The following ABCC12 variants were observed in gnomAD, a reference collection of about 807,000 sequenced individuals.
ABCC12 encodes the protein ATP-binding cassette sub-family C member 12.
In ABCC12, 142 loss-of-function variants were observed where a neutral mutation model predicts 151.1. The ratio of observed to expected loss-of-function variants is 0.94; its 90% CI spans 0.82 to 1.08. The LOEUF (loss-of-function observed/expected upper bound fraction) is 1.08, where lower values mean the gene tolerates loss of function less well. Ranked by LOEUF, ABCC12 falls within the 50% of genes least tolerant of loss-of-function variation. ABCC12 has a pLI of 0.00. For missense variants in ABCC12, 1,638 were observed against 1,691.1 expected, an observed-to-expected ratio of 0.97 and a Z score of 0.55; for synonymous variants, 645 against 646.4, an observed-to-expected ratio of 1.00 and a Z score of 0.03.
chr16:48,120,258 G>A (rs1964021398), intron 13 of ABCC12, among the ~76,000 whole-genome samples: 1 of 152,194 alleles, frequency 6.6e-6, no homozygotes, highest in South Asian at 2.1e-4. Flanking sequence ...ATACATGGGA[G>A]CTAAACCTTG....
At chr16:48,141,439 G>A in intron 4 of ABCC12, 86 bp from the exon 5 acceptor site, 1 of 1,539,660 alleles carries the variant, frequency 6.5e-7, no homozygotes, top group Middle Eastern at 1.7e-4. Context: ...TCTTGCAAGG[G>A]TGCTCGGCAG....
chr16:48,113,897 T>A (rs1395469424), intron 15 of ABCC12, among the ~76,000 whole-genome samples: 2 of 151,990 alleles, frequency 1.3e-5, no homozygotes, highest in African/African-American at 4.8e-5. Flanking sequence ...GGATGAGGCA[T>A]CCCCCTCCAG....
intron 8 of ABCC12, among the ~76,000 whole-genome samples, chr16:48,134,331 A>C (rs1023149500): frequency 1.3e-5 from 2 of 152,216 alleles, no homozygotes; most frequent in African/African-American, 2.4e-5. Context: ...GAGTTCCTTC[A>C]AGGGAAATTC....
chr16:48,153,685 G>T lies in ABCC12; in HGVS notation c.-120C>A, dbSNP rs1300692134. 1 of 152,180 alleles carries T rather than the reference G, an allele frequency of 6.6e-6. No individual in the cohort carries two copies. 9.4% of individuals were successfully genotyped at this position (152,180 alleles called of 1,614,324 possible). ...CCTGGCAGCAAGATGTCATCAGCTTGTCTTAAGGGCTCCTGAGTCCCAGAT... is the reference window on the plus strand; with the variant it reads ...CCTGGCAGCAAGATGTCATCAGCTTTTCTTAAGGGCTCCTGAGTCCCAGAT... On this transcript the variant is annotated 5_prime_UTR_variant, in exon 2 of 31. Transcript: ENST00000311303.
intron 12 of ABCC12, among the ~76,000 whole-genome samples, chr16:48,122,238 G>A (rs1035815117): frequency 1.3e-5 from 2 of 152,238 alleles, no homozygotes; most frequent in Non-Finnish European, 2.9e-5. Context: ...GGCCCTGGGA[G>A]CAGGGCACCA....
At position 48,107,321 on chromosome 16, in the gene ABCC12, C is replaced by T. The variant is rs1292978214; in HGVS notation, c.2475+1G>A. On this transcript the variant is annotated splice_donor_variant, in intron 20 of 30. Transcript: ENST00000311303. LOFTEE classifies it high-confidence loss of function. ...TCTTCCAATGCCAAAGGGAAACTCA[C>T]CCGTGAGCCCTTGTCCAACCAGAGA... The T allele has an allele frequency of 9.9e-6, 16 of 1,613,808 alleles. No homozygotes were observed. Among genetic ancestry groups the T allele is most frequent in the South Asian group, 4.4e-5 (4 of 91,086 alleles).
In ABCC12 at chr16:48,083,969, G is replaced by A. The variant is rs776303012; in HGVS notation, c.3933C>T (p.Ile1311=). The change falls in exon 30 of 31, where the codon ATC becomes ATT. Residue 1311 remains isoleucine (I), a synonymous_variant. Coordinates refer to ENST00000311303, the MANE Select transcript of ABCC12 (RefSeq NM_001393797.1). ...TGAGAACTGTGTTGAGGCGGTGGGC[G>A]ATGGTCAGCACAGTGCAGCCCTTGA... ...DAFKGCTVLT[I]AHRLNTVLNC... The A allele has an allele frequency of 1.2e-5, 19 of 1,612,450 alleles. No homozygotes were observed. The highest frequency in any genetic ancestry group is 1.1e-4 in the African/African-American group (8 of 74,586).
At position 48,139,299 on chromosome 16, in the gene ABCC12, A is replaced by G. The variant is rs1964724627; in HGVS notation, c.695T>C (p.Phe232Ser). Residue 232 changes from phenylalanine (F) to serine (S), a missense_variant, in exon 7 of 31, where the codon TTT becomes TCT. Transcript: ENST00000311303. ...NILSSDSYSL[F>S]EAALFCPLPA... is the part of the protein sequence containing the mutation. The stretch of plus-strand genomic sequence containing the variant: ...CAAAGGACAAAACAAGGCAGCTTCA[A>G]ACAAAGAATAGCTATCACTTGACAG... The G allele has an allele frequency of 6.2e-7, 1 of 1,613,616 alleles. No individual in the cohort carries two copies. Among genetic ancestry groups the G allele is most frequent in the Admixed American group, 1.7e-5 (1 of 59,870 alleles).
At chr16:48,114,465 C>T (rs1321088465) in intron 15 of ABCC12, among the ~76,000 whole-genome samples, 1 of 152,204 alleles carries the variant, frequency 6.6e-6, no homozygotes, top group African/African-American at 2.4e-5. Flanking sequence ...TTCCTGCCCC[C>T]AGACCAGGCC....
rs74018280 is a variant in ABCC12 at position 48,146,287 on chromosome 16, T to A, written c.119+19A>T. 1 of 1,612,156 alleles carries A rather than the reference T, an allele frequency of 6.2e-7. No homozygotes were observed. Among genetic ancestry groups the A allele is most frequent in the South Asian group, 1.1e-5 (1 of 91,036 alleles). On this transcript the variant is annotated intron_variant, in intron 3 of 30. Coordinates refer to ENST00000311303, the MANE Select transcript of ABCC12 (RefSeq NM_001393797.1). The stretch of plus-strand genomic sequence containing the variant: ...GAGGTCCTGCCCTGGCCCTCCCTTC[T>A]GTCCTTCTTCTGACTTACCTTGCAC...
chr16:48,096,710 C>G, intron 24 of ABCC12, 36 bp downstream of exon 24: 2 of 1,609,528 alleles, frequency 1.2e-6, no homozygotes, highest in Middle Eastern at 1.7e-4. Context: ...CAGGCCGGAG[C>G]CTCCAGACTA....
At chr16:48,091,337 G>A (rs1351095848) in intron 24 of ABCC12, 128 bp from the exon 25 acceptor site, 2 of 815,986 alleles carry the variant, frequency 2.5e-6, no homozygotes, top group Non-Finnish European at 4.2e-6. Flanking sequence ...ACAAACAGGA[G>A]GCCTGCCTTC....
intron 27 of ABCC12, chr16:48,087,175 G>C (rs929367479): frequency 1.4e-5 from 3 of 209,992 alleles, no homozygotes; most frequent in Non-Finnish European, 2.9e-5. Context: ...CAGAGAAAGA[G>C]GGAGAGTGAG....
intron 19 of ABCC12, 39 bp downstream of exon 19, chr16:48,108,401 T>A: frequency 6.4e-7 from 1 of 1,567,776 alleles, no homozygotes; most frequent in South Asian, 1.1e-5. Flanking sequence ...ATTTTTAAAA[T>A]GCAAATTAAA....
At chr16:48,086,933 C>T (rs1451630389) in intron 27 of ABCC12, 114 bp from the exon 28 acceptor site, 9 of 865,838 alleles carry the variant, frequency 1.0e-5, no homozygotes, top group Non-Finnish European at 1.5e-5. Context: ...ATGTGATGAC[C>T]TCGTGCTCCA....
chr16:48,138,472 C>G (rs1596628621), intron 7 of ABCC12, 97 bp from the exon 8 acceptor site: 1 of 1,424,218 alleles, frequency 7.0e-7, no homozygotes, highest in East Asian at 2.3e-5. Flanking sequence ...AGAAAAAGTT[C>G]TAAAGGAAGT....
intron 24 of ABCC12, among the ~76,000 whole-genome samples, chr16:48,093,930 C>G (rs1963001633): frequency 6.6e-6 from 1 of 152,184 alleles, no homozygotes; most frequent in Non-Finnish European, 1.5e-5. Flanking sequence ...TCTCTAATCT[C>G]AAGTGGAGTG....
At chr16:48,121,968 A>T in intron 12 of ABCC12, 128 bp from the exon 13 acceptor site, 1 of 1,380,058 alleles carries the variant, frequency 7.2e-7, no homozygotes, top group Non-Finnish European at 9.8e-7. Flanking sequence ...CGTTGACAGG[A>T]CATCTTGTCC....
At chr16:48,131,620 C>A (rs553719711) in intron 9 of ABCC12, among the ~76,000 whole-genome samples, 3 of 152,104 alleles carry the variant, frequency 2.0e-5, no homozygotes, top group Admixed American at 6.5e-5. Context: ...GTTGGTGCCC[C>A]GGGGGTACAT....
Sources: gnomAD v4.1 joint callset for allele counts (sites outside exome capture counted in the v4.1 genomes callset) on GRCh38, gnomAD v4.1.1 for gene constraint, MANE v1.5 for transcripts, NCBI Gene and HGNC (gene_info 2026-07-23, HGNC 2026-07-21) for gene names.